The following FSTL4 variants were observed in gnomAD, a reference collection of about 807,000 sequenced individuals.
FSTL4 encodes the protein follistatin like 4, also known as follistatin-related protein 4.
In FSTL4, 28 loss-of-function variants were observed where a neutral mutation model predicts 78.2. The observed-to-expected ratio is 0.36, with a 90% CI of 0.27 to 0.49. The LOEUF is 0.49. Ranked by LOEUF, FSTL4 falls within the 20% of genes least tolerant of loss-of-function variation. The probability of loss-of-function intolerance (pLI) is 0.98; values close to 1 mark genes in which losing one functional copy is unlikely to be tolerated. For missense variants in FSTL4, 922 were observed against 1,084.9 expected, an observed-to-expected ratio of 0.85 and a Z score of 2.11; for synonymous variants, 422 against 440.5, an observed-to-expected ratio of 0.96 and a Z score of 0.53.
chr5:133,423,175 G>A (rs1339181105), intron 3 of FSTL4, among the ~76,000 whole-genome samples: 1 of 152,260 alleles, frequency 6.6e-6, no homozygotes, highest in Non-Finnish European at 1.5e-5. Flanking sequence ...TTCTTGGACT[G>A]CACGAATGAA....
intron 3 of FSTL4, among the ~76,000 whole-genome samples, chr5:133,534,954 C>T (rs1046621144): frequency 2.6e-5 from 4 of 152,168 alleles, no homozygotes; most frequent in East Asian, 1.9e-4. Flanking sequence ...AATTGTGCCC[C>T]GCCTAAAATT....
chr5:133,825,252 T>C, the FSTL4 span, among the ~76,000 whole-genome samples: 2 of 152,116 alleles, frequency 1.3e-5, no homozygotes, highest in South Asian at 4.1e-4. Context: ...CAGGACTTCA[T>C]AGTCAAGAAA....
chr5:133,537,257 CCTT>C (rs1561461278), intron 3 of FSTL4, among the ~76,000 whole-genome samples: 2 of 152,078 alleles, frequency 1.3e-5, no homozygotes, highest in African/African-American at 4.8e-5. Flanking sequence ...ACAATACTGA[CCTT>C]CTTATTAATT....
the FSTL4 span, among the ~76,000 whole-genome samples, chr5:133,827,526 CTG>C: frequency 6.6e-6 from 1 of 152,066 alleles, no homozygotes; most frequent in Non-Finnish European, 1.5e-5. Context: ...AGAGTGGACA[CTG>C]TGCAAATACT....
chr5:133,216,448 A>T (rs1750911691), intron 13 of FSTL4, among the ~76,000 whole-genome samples: 1 of 147,392 alleles, frequency 6.8e-6, no homozygotes, highest in Non-Finnish European at 1.5e-5. Context: ...GCCTCCCGTC[A>T]AGTGATTCTC....
At chr5:133,238,708 G>A (rs1171234829) in intron 7 of FSTL4, among the ~76,000 whole-genome samples, 3 of 152,230 alleles carry the variant, frequency 2.0e-5, no homozygotes, top group Admixed American at 6.5e-5. Flanking sequence ...TGATGTACAC[G>A]CATGAGTGCA....
intron 2 of FSTL4, among the ~76,000 whole-genome samples, chr5:133,581,547 G>T (rs968512568): frequency 2.0e-5 from 3 of 152,244 alleles, no homozygotes; most frequent in Non-Finnish European, 4.4e-5. Flanking sequence ...GAGGGGCCTT[G>T]TGCCTGGGCA....
the FSTL4 span, among the ~76,000 whole-genome samples, chr5:133,692,577 T>G: frequency 6.6e-6 from 1 of 152,176 alleles, no homozygotes; most frequent in African/African-American, 2.4e-5. Flanking sequence ...ACCCCTTGAA[T>G]AGAGTGTTGG....
At chr5:133,365,055 A>G (rs1424498519) in intron 4 of FSTL4, among the ~76,000 whole-genome samples, 6 of 152,124 alleles carry the variant, frequency 3.9e-5, no homozygotes, top group Non-Finnish European at 7.3e-5. Context: ...ATTTTAGCGC[A>G]CAGAAGGTTA....
At chr5:133,734,783 C>G in the FSTL4 span, among the ~76,000 whole-genome samples, 1 of 152,206 alleles carries the variant, frequency 6.6e-6, no homozygotes, top group African/African-American at 2.4e-5. Context: ...TTCTGCTCTG[C>G]TCTCTTCAGC....
rs150634891 is a variant in FSTL4, at chr5:133,290,105, C to T, written c.727+22549G>A. ...CTTCGGCAGCCAATCTGTTAGGCAG[C>T]TGCCCAGGTGCAGCACCAGCAGGGT... On this transcript the variant is annotated intron_variant, in intron 6 of 15. Coordinates refer to ENST00000265342, the MANE Select transcript of FSTL4 (RefSeq NM_015082.2). Among the ~76,000 whole-genome samples, 236 of 152,324 alleles carry T rather than the reference C, an allele frequency of 1.5e-3. 1 individual carries two copies. The highest frequency in any genetic ancestry group is 5.3e-3 in the African/African-American group (222 of 41,560).
At chr5:133,310,221 T>C (rs988665167) in intron 6 of FSTL4, among the ~76,000 whole-genome samples, 1 of 152,232 alleles carries the variant, frequency 6.6e-6, no homozygotes. Context: ...TGCATATCTA[T>C]TATTTGGGCT....
At chr5:133,240,808 C>T (rs1751845737) in intron 7 of FSTL4, among the ~76,000 whole-genome samples, 1 of 152,188 alleles carries the variant, frequency 6.6e-6, no homozygotes, top group South Asian at 2.1e-4. Flanking sequence ...AGGATGCTAC[C>T]TCCTGGGAAG....
intron 3 of FSTL4, among the ~76,000 whole-genome samples, chr5:133,500,871 C>A (rs1242606782): frequency 6.6e-6 from 1 of 151,814 alleles, no homozygotes; most frequent in Non-Finnish European, 1.5e-5. Flanking sequence ...ACAAACTGGA[C>A]ACACAGTGGG....
chr5:133,622,713 A>T, the FSTL4 span, among the ~76,000 whole-genome samples: 1 of 152,114 alleles, frequency 6.6e-6, no homozygotes, highest in African/African-American at 2.4e-5. Flanking sequence ...TCATCTGTAT[A>T]TCCCCTTTGG....
chr5:133,364,637 T>C (rs1447082077), intron 4 of FSTL4, among the ~76,000 whole-genome samples: 1 of 152,242 alleles, frequency 6.6e-6, no homozygotes, highest in African/African-American at 2.4e-5. Context: ...TAATTGAATC[T>C]GTGCCAGTAA....
chr5:133,389,417 G>A (rs1183482013), intron 4 of FSTL4, among the ~76,000 whole-genome samples: 2 of 152,148 alleles, frequency 1.3e-5, no homozygotes, highest in Non-Finnish European at 2.9e-5. Flanking sequence ...GTTGAGAGAC[G>A]CCCTTGAAAA....
At chr5:133,439,806 G>C (rs941456345) in intron 3 of FSTL4, among the ~76,000 whole-genome samples, 8 of 152,230 alleles carry the variant, frequency 5.3e-5, no homozygotes, top group African/African-American at 9.6e-5. Context: ...CTTTGCCGAA[G>C]GGGGCAGGTA....
the FSTL4 span, among the ~76,000 whole-genome samples, chr5:133,681,557 C>T: frequency 5.3e-5 from 8 of 152,086 alleles, no homozygotes; most frequent in South Asian, 2.1e-4. Context: ...TGATCATCCT[C>T]TCACTGAGGA....
Sources: gnomAD v4.1 joint callset for allele counts (sites outside exome capture counted in the v4.1 genomes callset) on GRCh38, gnomAD v4.1.1 for gene constraint, MANE v1.5 for transcripts, NCBI Gene and HGNC (gene_info 2026-07-23, HGNC 2026-07-21) for gene names.